Variants in ACYP2 observed in about 807,000 individuals in gnomAD.
ACYP2 encodes the protein acylphosphatase-2.
Under a neutral mutation model 11.2 loss-of-function variants are expected in ACYP2, and 12 were observed. The ratio of observed to expected loss-of-function variants is 1.08; its 90% CI spans 0.69 to 1.74. The LOEUF (loss-of-function observed/expected upper bound fraction) is 1.74. ACYP2 is among the 40% of genes most tolerant of loss of function. The probability of loss-of-function intolerance (pLI) is 0.00; values close to 1 mark genes in which losing one functional copy is unlikely to be tolerated. For missense variants in ACYP2, 134 were observed against 101.9 expected (o/e 1.31, Z -1.35); for synonymous variants, 43 against 32.2 (o/e 1.33, Z -1.13).
At chr2:54,142,242 T>A (rs1388449773) in intron 6 of ACYP2, 3 of 247,654 alleles carry the variant, frequency 1.2e-5, no homozygotes, top group Non-Finnish European at 1.5e-5. Context: ...CACACAGTTT[T>A]CCTCCTATTA....
rs1679685963 is a variant in ACYP2 at position 54,115,328 on chromosome 2, G to A, written c.278-20125G>A. Reference sequence around the variant, plus strand: ...TTGTCAATTACACTTTAATAAAGCTGGGGGAAGCCACTCTTTTTTTGGGCA... The same window carrying A: ...TTGTCAATTACACTTTAATAAAGCTAGGGGAAGCCACTCTTTTTTTGGGCA... On this transcript the variant is annotated intron_variant, in intron 4 of 6. Coordinates refer to ENST00000607452, the MANE Select transcript of ACYP2 (RefSeq NM_001320586.2). 1.8e-5 allele frequency: 9 copies of A among 495,996 alleles called. No homozygotes were observed. The Admixed American group carries it at 2.8e-4, about 15-fold the overall frequency. The allele number at this position is 495,996 out of a possible 1,614,324, so 30.7% of individuals were successfully genotyped here.
chr2:54,058,311 A>AAC (rs752236497), intron 4 of ACYP2, among the ~76,000 whole-genome samples: 1 of 149,874 alleles, frequency 6.7e-6, no homozygotes, highest in Non-Finnish European at 1.5e-5. Flanking sequence ...GCTTATATTA[A>AAC]AAAAAAAAAA....
chr2:54,255,541 G>A, intron 6 of ACYP2: 1 of 1,613,470 alleles, frequency 6.2e-7, no homozygotes, highest in Non-Finnish European at 8.5e-7. Context: ...GGACTCCAGG[G>A]GGTTCAGGTG....
intron 6 of ACYP2, among the ~76,000 whole-genome samples, chr2:54,159,400 G>T (rs1307680133): frequency 6.7e-6 from 1 of 150,052 alleles, no homozygotes; most frequent in Non-Finnish European, 1.5e-5. Context: ...ATGAGACAGG[G>T]TCTGACTATG....
At chr2:54,072,443 C>G (rs1332285851) in intron 4 of ACYP2, among the ~76,000 whole-genome samples, 1 of 151,850 alleles carries the variant, frequency 6.6e-6, no homozygotes, top group Non-Finnish European at 1.5e-5. Context: ...ATCCAGCTAC[C>G]TTTTGAAATT....
At chr2:53,977,986 G>A (rs186832132) in intron 2 of ACYP2, among the ~76,000 whole-genome samples, 1 of 152,114 alleles carries the variant, frequency 6.6e-6, no homozygotes, top group East Asian at 1.9e-4. Flanking sequence ...TTCTGGCTGG[G>A]CATGGTGGCT....
At chr2:54,216,403 C>G (rs554721266) in intron 6 of ACYP2, among the ~76,000 whole-genome samples, 1 of 152,134 alleles carries the variant, frequency 6.6e-6, no homozygotes, top group African/African-American at 2.4e-5. Context: ...TATTTTACAA[C>G]TTGACATTTT....
intron 6 of ACYP2, among the ~76,000 whole-genome samples, chr2:54,238,723 A>T (rs905360180): frequency 6.6e-6 from 1 of 152,116 alleles, no homozygotes; most frequent in Non-Finnish European, 1.5e-5. Flanking sequence ...AATAAGATGC[A>T]TTATTTTCCA....
At chr2:54,168,133 G>A (rs1042365842) in intron 6 of ACYP2, among the ~76,000 whole-genome samples, 1 of 152,062 alleles carries the variant, frequency 6.6e-6, no homozygotes, top group African/African-American at 2.4e-5. Flanking sequence ...TGTCAAATCT[G>A]CTGTGTCCAG....
intron 4 of ACYP2, among the ~76,000 whole-genome samples, chr2:54,091,590 C>A (rs922671623): frequency 1.3e-5 from 2 of 151,902 alleles, no homozygotes; most frequent in African/African-American, 4.8e-5. Context: ...CGGCTCACTG[C>A]AACCTCCATC....
chr2:53,984,728 C>T (rs1430738723), intron 2 of ACYP2, among the ~76,000 whole-genome samples: 1 of 151,558 alleles, frequency 6.6e-6, no homozygotes, highest in Non-Finnish European at 1.5e-5. Context: ...AGTTCAATGT[C>T]AGAAAATCTA....
intron 4 of ACYP2, among the ~76,000 whole-genome samples, chr2:54,088,020 C>G (rs1678031076): frequency 6.6e-6 from 1 of 152,162 alleles, no homozygotes; most frequent in Non-Finnish European, 1.5e-5. Flanking sequence ...CCTACCTCAC[C>G]AAGTAAGGGG....
chr2:54,157,035 C>A (rs1469878545), intron 6 of ACYP2, among the ~76,000 whole-genome samples: 1 of 151,946 alleles, frequency 6.6e-6, no homozygotes, highest in African/African-American at 2.4e-5. Flanking sequence ...AACTTGAAAT[C>A]TATTTTAGTT....
chr2:54,294,565 G>GT (rs1490650491), intron 6 of ACYP2, among the ~76,000 whole-genome samples: 3 of 152,048 alleles, frequency 2.0e-5, no homozygotes, highest in Non-Finnish European at 4.4e-5. Context: ...CTTGTCTACC[G>GT]TAAGTATTAA....
At chr2:54,115,861 T>G (rs1679746222) in intron 4 of ACYP2, 105 bp downstream of exon 1, 1 of 1,340,608 alleles carries the variant, frequency 7.5e-7, no homozygotes, top group South Asian at 1.6e-5. Context: ...CCGTTGTGGC[T>G]GGGACTTCCG....
intron 6 of ACYP2, among the ~76,000 whole-genome samples, chr2:54,209,628 C>T (rs570391357): frequency 3.3e-5 from 5 of 152,274 alleles, no homozygotes; most frequent in African/African-American, 1.2e-4. Context: ...CAGGTGTTGG[C>T]ACCGTCCTAT....
At chr2:54,252,363 A>T (rs1255608257) in intron 6 of ACYP2, among the ~76,000 whole-genome samples, 1 of 152,120 alleles carries the variant, frequency 6.6e-6, no homozygotes, top group Non-Finnish European at 1.5e-5. Context: ...TGTTGTTAGA[A>T]ATACTTTATG....
intron 3 of ACYP2, among the ~76,000 whole-genome samples, chr2:54,054,138 C>T (rs780731352): frequency 7.9e-5 from 12 of 152,158 alleles, no homozygotes; most frequent in Non-Finnish European, 1.5e-4. Flanking sequence ...TTCTGAGTGC[C>T]TATCATAACC....
At chr2:54,084,885 T>C in intron 4 of ACYP2, 1 of 152,176 alleles carries the variant, frequency 6.6e-6, no homozygotes. Flanking sequence ...AAAATTTAAA[T>C]ATGGACCGTA....
Sources: allele counts gnomAD v4.1 joint callset (sites outside exome capture counted in the v4.1 genomes callset), GRCh38; gene constraint gnomAD v4.1.1; transcripts MANE v1.5; gene names NCBI Gene and HGNC (gene_info 2026-07-23, HGNC 2026-07-21).